The following SLC25A34 variants were observed in gnomAD, a reference collection of about 807,000 sequenced individuals.
SLC25A34 encodes the protein solute carrier family 25, member 34.
Under a neutral mutation model 28.1 loss-of-function variants are expected in SLC25A34, and 26 were observed. That is an observed-to-expected ratio of 0.93 (90% CI 0.68 to 1.28). SLC25A34 has a LOEUF of 1.28. Ranked by LOEUF, SLC25A34 falls within the 50% of genes most tolerant of loss-of-function variation. The pLI, the probability that SLC25A34 is intolerant of heterozygous loss-of-function variation, is 0.00. For synonymous variants in SLC25A34, 182 were observed against 182.2 expected, an observed-to-expected ratio of 1.00 and a Z score of 0.01; for missense variants, 384 against 409.8, an observed-to-expected ratio of 0.94 and a Z score of 0.54.
Position 15,738,624 on chromosome 1 carries a change from C to T in SLC25A34, c.628C>T (p.Leu210=). ...CCCTGAGGACAGCTGGCTGGTGGCCCTGGCTGGGGGCATGATCAGCAGCAT... is the reference window on the plus strand; with the variant it reads ...CCCTGAGGACAGCTGGCTGGTGGCCTTGGCTGGGGGCATGATCAGCAGCAT... The part of the protein sequence containing the change: ...WLPEDSWLVA[L]AGGMISSIAV... Residue 210 remains leucine (L), a synonymous_variant, in exon 4 of 5, where the codon CTG becomes TTG. Coordinates refer to ENST00000294454, the MANE Select transcript of SLC25A34 (RefSeq NM_207348.3). 2.5e-6 allele frequency: 4 copies of T among 1,609,262 alleles called. No individual in the cohort carries two copies. The highest frequency in any genetic ancestry group is 3.4e-6 in the Non-Finnish European group (4 of 1,179,004).
At position 15,738,522 on chromosome 1, in the gene SLC25A34, G is replaced by A. The variant is rs531351783; in HGVS notation, c.598-72G>A. On this transcript the variant is annotated intron_variant, in intron 3 of 4. Coordinates refer to ENST00000294454, the MANE Select transcript of SLC25A34 (RefSeq NM_207348.3). ...TAGCCCTTTTAGCCCCTGTGTGGTA[G>A]GAGGCCGGGAGGGCACGACGTGGGT... 5.0e-4 allele frequency: 774 copies of A among 1,547,540 alleles called. 2 individuals are homozygous for A. The African/African-American group carries it at 9.5e-3, about 19-fold the overall frequency.
At chr1:15,738,906 A>T in intron 4 of SLC25A34, 178 bp downstream of exon 4, 1 of 788,074 alleles carries the variant, frequency 1.3e-6, no homozygotes, top group Non-Finnish European at 1.9e-6. Flanking sequence ...CCCGGGTCCC[A>T]GGCACAGGCT....
chr1:15,740,497 C>G lies in SLC25A34; in HGVS notation c.*1091C>G, dbSNP rs1427965031. On this transcript the variant is annotated 3_prime_UTR_variant, in exon 5 of 5. Transcript: ENST00000294454. The stretch of plus-strand genomic sequence containing the variant: ...TTTGCCATGTTGGCCAGACTGGTCT[C>G]GAACTCCTGACCTCAAGTGATCCAC... 6.6e-6 allele frequency: 1 copy of G among 152,116 alleles called. No individual in the cohort carries two copies. The highest frequency in any genetic ancestry group is 1.5e-5 in the Non-Finnish European group (1 of 68,058). The allele number at this position is 152,116 out of a possible 1,614,324, so 9.4% of individuals were successfully genotyped here. A position where few individuals can be genotyped will look rare whatever the true frequency, so the allele number is the denominator to read the frequency against.
chr1:15,738,901 G>A, intron 4 of SLC25A34, 173 bp downstream of exon 4: 1 of 841,258 alleles, frequency 1.2e-6, no homozygotes, highest in South Asian at 2.4e-5. Flanking sequence ...GAGCCCCCGG[G>A]TCCCAGGCAC....
At chr1:15,737,059 C>T (rs577140269) in intron 1 of SLC25A34, among the ~76,000 whole-genome samples, 196 bp downstream of exon 1, 9 of 152,332 alleles carry the variant, frequency 5.9e-5, no homozygotes, top group African/African-American at 2.2e-4. Context: ...ATCCATGCTC[C>T]CCTGCGGTCC....
At position 15,740,171 on chromosome 1, in the gene SLC25A34, G is replaced by C. The variant is rs1354874028; in HGVS notation, c.*765G>C. ...GGCTTGCAGATGCTGCTTTCTCTCT[G>C]TGTCTGCACATGGTGGTCCCTCGAT... On this transcript the variant is annotated 3_prime_UTR_variant, in exon 5 of 5. Transcript: ENST00000294454. 1 of 152,160 alleles carries C rather than the reference G, an allele frequency of 6.6e-6. No homozygotes were observed. The highest frequency in any genetic ancestry group is 6.6e-5 in the Admixed American group (1 of 15,266). The allele number at this position is 152,160 out of a possible 1,614,324, so 9.4% of individuals were successfully genotyped here.
At position 15,739,311 on chromosome 1, in the gene SLC25A34, G is replaced by A. The variant is rs151088598; in HGVS notation, c.820G>A (p.Ala274Thr). Residue 274 changes from alanine to threonine, a missense_variant, in exon 5 of 5, where the codon GCC (alanine) becomes ACC (threonine). By Grantham distance (58) the Ala-to-Thr change is moderately conservative. Transcript: ENST00000294454. ...PLALYKGLGP[A>T]YLRLGPHTIL... is the part of the protein sequence containing the mutation. ...GGCACTCTACAAGGGCCTGGGCCCC[G>A]CCTACCTGCGCCTGGGCCCCCACAC... 58 of 1,610,014 alleles carry A rather than the reference G, an allele frequency of 3.6e-5. No homozygotes were observed. Among genetic ancestry groups the A allele is most frequent in the Non-Finnish European group, 2.9e-5 (34 of 1,178,594 alleles).
rs745573665 is a variant in SLC25A34, at chr1:15,736,727, G to T, written c.242G>T (p.Gly81Val). The T allele has an allele frequency of 8.7e-6, 14 of 1,609,966 alleles. No individual in the cohort carries two copies. The highest frequency in any genetic ancestry group is 1.3e-5 in the African/African-American group (1 of 75,016). The part of the protein sequence containing the change: ...KGLAAGLLYQ[G>V]LMNGVRFYCY... ...CTGGCTGCCGGCCTTCTGTACCAAG[G>T]CCTCATGAATGGCGTTCGTTTCTAC... Residue 81 changes from glycine to valine, a missense_variant, in exon 1 of 5, where the codon GGC becomes GTC. Gly to Val is a moderately radical substitution (Grantham distance 109, BLOSUM62 -3). Coordinates refer to ENST00000294454, the MANE Select transcript of SLC25A34 (RefSeq NM_207348.3).
intron 1 of SLC25A34, 109 bp downstream of exon 1, chr1:15,736,972 C>A: frequency 7.3e-7 from 1 of 1,367,882 alleles, no homozygotes; most frequent in Non-Finnish European, 9.6e-7. Context: ...TGGGGTGGGG[C>A]AGCCGGGGTG....
In SLC25A34 at chr1:15,736,741, GT is replaced by G. The variant is rs777312875; in HGVS notation, c.258del (p.Arg87ValfsTer40). On this transcript the variant is annotated frameshift_variant, in exon 1 of 5. Transcript: ENST00000294454. LOFTEE classifies it high-confidence loss of function. ...TCTGTACCAAGGCCTCATGAATGGC[GT>G]TCGTTTCTACTGCTACAGCCTGGCG... ...GLLYQGLMNG[V>X]RFYCYSLACQ... is the part of the protein sequence containing the mutation. The G allele has an allele frequency of 6.2e-7, 1 of 1,608,998 alleles. No homozygotes were observed. Among genetic ancestry groups the G allele is most frequent in the East Asian group, 2.2e-5 (1 of 44,836 alleles).
In SLC25A34 at chr1:15,741,347, A is replaced by T. The variant is rs2068278576; in HGVS notation, c.*1941A>T. Reference sequence around the variant, plus strand: ...AGGGCCGCTCCCAGGAACACCTGCTACTGCACACTCCAAACCAATAAAGTT... The same window carrying T: ...AGGGCCGCTCCCAGGAACACCTGCTTCTGCACACTCCAAACCAATAAAGTT... On this transcript the variant is annotated 3_prime_UTR_variant, in exon 5 of 5. Transcript: ENST00000294454. 1 of 152,702 alleles carries T rather than the reference A, an allele frequency of 6.5e-6. No homozygotes were observed. Among genetic ancestry groups the T allele is most frequent in the Non-Finnish European group, 1.5e-5 (1 of 68,142 alleles). The allele number at this position is 152,702 out of a possible 1,614,324, so 9.5% of individuals were successfully genotyped here.
At chr1:15,736,893 C>A in intron 1 of SLC25A34, 30 bp downstream of exon 1, 3 of 1,488,074 alleles carry the variant, frequency 2.0e-6, no homozygotes, top group South Asian at 2.7e-5. Flanking sequence ...CGTCCACCCT[C>A]CACCATCCCA....
rs759697257 is a variant in SLC25A34, at chr1:15,736,652, C to A, written c.167C>A (p.Ser56Tyr). The part of the protein sequence containing the change: ...YPRPYHGFIA[S>Y]VAAVARADGL... ...CGGCCCTACCATGGCTTCATAGCCT[C>A]TGTCGCTGCTGTGGCCCGAGCAGAC... The change falls in exon 1 of 5, where the codon TCT becomes TAT. Residue 56 changes from serine to tyrosine, a missense_variant. Coordinates refer to ENST00000294454, the MANE Select transcript of SLC25A34 (RefSeq NM_207348.3). The A allele has an allele frequency of 1.3e-6, 2 of 1,594,902 alleles. No individual in the cohort carries two copies. The highest frequency in any genetic ancestry group is 2.3e-5 in the South Asian group (2 of 88,798).
intron 3 of SLC25A34, 82 bp from the exon 4 acceptor site, chr1:15,738,512 C>A (rs898870660): frequency 6.5e-7 from 1 of 1,537,472 alleles, no homozygotes; most frequent in Non-Finnish European, 8.7e-7. Flanking sequence ...CTTTTAGCCC[C>A]TGTGTGGTAG....
chr1:15,736,630 C>T lies in SLC25A34; in HGVS notation c.145C>T (p.Pro49Ser), dbSNP rs753915696. Residue 49 changes from proline to serine, a missense_variant, in exon 1 of 5, where the codon CCC becomes TCC. By Grantham distance (74) the Pro-to-Ser change is moderately conservative. Transcript: ENST00000294454. Reference sequence around the variant, plus strand: ...GCAGGCCCGGGGCACCTACCCACGGCCCTACCATGGCTTCATAGCCTCTGT... The same window carrying T: ...GCAGGCCCGGGGCACCTACCCACGGTCCTACCATGGCTTCATAGCCTCTGT... ...ELQARGTYPR[P>S]YHGFIASVAA... 4 of 1,583,284 alleles carry T rather than the reference C, an allele frequency of 2.5e-6. No individual in the cohort carries two copies. The highest frequency in any genetic ancestry group is 3.4e-6 in the Non-Finnish European group (4 of 1,165,534).
chr1:15,739,557 C>T lies in SLC25A34; in HGVS notation c.*151C>T. On this transcript the variant is annotated 3_prime_UTR_variant, in exon 5 of 5. Transcript: ENST00000294454. ...GTGTGGACAGCTCTGGTCCATCCAG[C>T]CCCTTGGCCCACCCAGGTCCAGAGC... 2 of 833,298 alleles carry T rather than the reference C, an allele frequency of 2.4e-6. No homozygotes were observed. The highest frequency in any genetic ancestry group is 3.4e-6 in the Non-Finnish European group (2 of 584,786). 51.6% of individuals were successfully genotyped at this position (833,298 alleles called of 1,614,324 possible). A position where few individuals can be genotyped will look rare whatever the true frequency, so the allele number is the denominator to read the frequency against.
intron 1 of SLC25A34, chr1:15,737,648 G>A (rs7556533): frequency 2.6e-5 from 12 of 470,550 alleles, no homozygotes; most frequent in Non-Finnish European, 4.1e-5. Context: ...GGTGCTGGAG[G>A]ATCATTGTCT....
At position 15,736,851 on chromosome 1, in the gene SLC25A34, C is replaced by G. The variant is rs980601328; in HGVS notation, c.366C>G (p.Ser122Arg). The G allele has an allele frequency of 8.3e-6, 13 of 1,562,950 alleles. No individual in the cohort carries two copies. Among genetic ancestry groups the G allele is most frequent in the Non-Finnish European group, 1.1e-5 (13 of 1,157,792 alleles). The change falls in exon 1 of 5, where the codon AGC becomes AGG. Residue 122 changes from serine (S) to arginine (R), a missense_variant. Coordinates refer to ENST00000294454, the MANE Select transcript of SLC25A34 (RefSeq NM_207348.3). ...GGGCACTGGGAGCCTTCGTGGGGAG[C>G]CCTGCTTACCTGGTGAGTGGCTTGT... ...VAGALGAFVG[S>R]PAYLIKTQLQ...
Position 15,736,846 on chromosome 1 carries a change from G to A in SLC25A34, c.361G>A (p.Gly121Arg). Residue 121 changes from glycine (G) to arginine (R), a missense_variant, in exon 1 of 5, where the codon GGG (glycine) becomes AGG (arginine). By Grantham distance (125) the Gly-to-Arg change is moderately radical. Transcript: ENST00000294454. ...GGCGGGGGCACTGGGAGCCTTCGTGGGGAGCCCTGCTTACCTGGTGAGTGG... is the reference window on the plus strand; with the variant it reads ...GGCGGGGGCACTGGGAGCCTTCGTGAGGAGCCCTGCTTACCTGGTGAGTGG... ...AVAGALGAFV[G>R]SPAYLIKTQL... The A allele has an allele frequency of 6.4e-7, 1 of 1,574,516 alleles. No individual in the cohort carries two copies. The highest frequency in any genetic ancestry group is 8.6e-7 in the Non-Finnish European group (1 of 1,163,474).
Sources: allele counts gnomAD v4.1 joint callset (sites outside exome capture counted in the v4.1 genomes callset), GRCh38; gene constraint gnomAD v4.1.1; transcripts MANE v1.5; gene names NCBI Gene and HGNC (gene_info 2026-07-23, HGNC 2026-07-21).